Variants in MAPK8 observed in about 807,000 individuals in gnomAD.
MAPK8 encodes JUN N-terminal kinase.
Under a neutral mutation model 52.9 loss-of-function variants are expected in MAPK8, and 13 were observed. The observed-to-expected ratio is 0.25, with a 90% confidence interval of 0.16 to 0.39. MAPK8 has a LOEUF of 0.39. MAPK8 is among the 10% of genes least tolerant of loss of function. MAPK8 has a pLI of 1.00. For synonymous variants in MAPK8, 191 were observed against 169.8 expected (o/e 1.12, Z -0.97); for missense variants, 300 against 519.2 (o/e 0.58, Z 4.10).
At chr10:48,391,989 C>T (rs757889150) in intron 1 of MAPK8, among the ~76,000 whole-genome samples, 5 of 152,174 alleles carry the variant, frequency 3.3e-5, no homozygotes, top group Non-Finnish European at 7.4e-5. Flanking sequence ...GAATCCTCCA[C>T]GTGTTCAGCT....
chr10:48,379,452 T>C (rs1337514083), intron 1 of MAPK8, among the ~76,000 whole-genome samples: 1 of 152,194 alleles, frequency 6.6e-6, no homozygotes, highest in Non-Finnish European at 1.5e-5. Context: ...ATTGCACTTA[T>C]ACAAACAACT....
intron 1 of MAPK8, among the ~76,000 whole-genome samples, chr10:48,334,338 C>T (rs775853765): frequency 2.6e-5 from 4 of 152,100 alleles, no homozygotes; most frequent in South Asian, 2.1e-4. Flanking sequence ...TTGCACACCC[C>T]GAGAATCGCT....
At chr10:48,400,795 T>C (rs1295226959) in intron 1 of MAPK8, among the ~76,000 whole-genome samples, 1 of 152,190 alleles carries the variant, frequency 6.6e-6, no homozygotes, top group Non-Finnish European at 1.5e-5. Flanking sequence ...ATAGTCTCTT[T>C]TGTCTAGTAA....
intron 1 of MAPK8, among the ~76,000 whole-genome samples, chr10:48,334,924 A>G (rs1444289391): frequency 6.6e-6 from 1 of 152,156 alleles, no homozygotes; most frequent in African/African-American, 2.4e-5. Flanking sequence ...CTATGGGGTT[A>G]CAATCTTCCC....
At chr10:48,379,386 A>G (rs141450644) in intron 1 of MAPK8, among the ~76,000 whole-genome samples, 10 of 152,302 alleles carry the variant, frequency 6.6e-5, no homozygotes, top group Non-Finnish European at 1.3e-4. Context: ...GTTCCAGTTA[A>G]ACCTTGGTAC....
chr10:48,394,190 A>C (rs1454779082), intron 1 of MAPK8, among the ~76,000 whole-genome samples: 1 of 151,954 alleles, frequency 6.6e-6, no homozygotes, highest in Non-Finnish European at 1.5e-5. Flanking sequence ...CTTCACTGAG[A>C]TAGTCTATGA....
At chr10:48,389,216 A>G (rs746213250) in intron 1 of MAPK8, among the ~76,000 whole-genome samples, 1 of 152,174 alleles carries the variant, frequency 6.6e-6, no homozygotes, top group Non-Finnish European at 1.5e-5. Flanking sequence ...TCTAAAGGCC[A>G]GTTGAGGGCT....
At chr10:48,376,632 C>CT (rs1337647419) in intron 1 of MAPK8, among the ~76,000 whole-genome samples, 1 of 152,178 alleles carries the variant, frequency 6.6e-6, no homozygotes, top group Non-Finnish European at 1.5e-5. Context: ...TGAAAAAATG[C>CT]TCATCATCAC....
At chr10:48,311,931 G>A (rs753428449) in intron 1 of MAPK8, among the ~76,000 whole-genome samples, 2 of 152,170 alleles carry the variant, frequency 1.3e-5, no homozygotes, top group Non-Finnish European at 2.9e-5. Flanking sequence ...CGGTGATGTA[G>A]GAACCAAAGG....
At chr10:48,336,945 G>T (rs1315023826) in intron 1 of MAPK8, among the ~76,000 whole-genome samples, 1 of 152,088 alleles carries the variant, frequency 6.6e-6, no homozygotes, top group Non-Finnish European at 1.5e-5. Context: ...AGGTATATAT[G>T]CCATACCCAG....
intron 1 of MAPK8, among the ~76,000 whole-genome samples, chr10:48,324,952 G>C (rs1027736861): frequency 7.3e-5 from 2 of 27,528 alleles, no homozygotes; most frequent in African/African-American, 6.9e-4. Context: ...GCTTGCAAAT[G>C]GTGTTTTTTT....
At chr10:48,370,080 A>G (rs971855653) in intron 1 of MAPK8, among the ~76,000 whole-genome samples, 6 of 152,192 alleles carry the variant, frequency 3.9e-5, no homozygotes. Flanking sequence ...TAGGAGAAAG[A>G]GTGATAATCA....
intron 1 of MAPK8, chr10:48,307,070 G>T (rs1363500129): frequency 1.3e-5 from 2 of 152,166 alleles, no homozygotes; most frequent in Non-Finnish European, 2.9e-5. Flanking sequence ...GCCGCCGCGA[G>T]CCCCGCCCGC....
In MAPK8 at chr10:48,410,083, A is replaced by C. The variant is rs1418848027; in HGVS notation, c.365A>C (p.Glu122Ala). ...AATCTTTGCCAAGTGATTCAGATGGAGCTAGATCATGAAAGAATGTCCTAC... is the reference window on the plus strand; with the variant it reads ...AATCTTTGCCAAGTGATTCAGATGGCGCTAGATCATGAAAGAATGTCCTAC... Reference protein sequence around the residue: ...DANLCQVIQMELDHERMSYLL... With the variant: ...DANLCQVIQMALDHERMSYLL... Residue 122 changes from glutamate (E) to alanine (A), a missense_variant, in exon 5 of 12, where the codon GAG becomes GCG. Glu to Ala is a moderately radical substitution (Grantham distance 107, BLOSUM62 -1). Around this residue, in one of 3 missense-constraint regions of MAPK8, gnomAD observed 147 missense variants for 328.1 expected, o/e 0.45. Transcript: ENST00000374189. The C allele has an allele frequency of 6.2e-7, 1 of 1,601,248 alleles. No homozygotes were observed. The highest frequency in any genetic ancestry group is 1.3e-5 in the African/African-American group (1 of 74,408).
At chr10:48,424,920 C>G (rs528790842) in intron 7 of MAPK8, among the ~76,000 whole-genome samples, 6 of 152,098 alleles carry the variant, frequency 3.9e-5, no homozygotes, top group Non-Finnish European at 4.4e-5. Flanking sequence ...TTGGAGCTGT[C>G]TGTTGCTTCT....
At chr10:48,396,406 A>G (rs1054387194) in intron 1 of MAPK8, among the ~76,000 whole-genome samples, 1 of 152,186 alleles carries the variant, frequency 6.6e-6, no homozygotes, top group African/African-American at 2.4e-5. Flanking sequence ...GATATGACAC[A>G]CGTACTAGAA....
intron 5 of MAPK8, 40 bp downstream of exon 5, chr10:48,410,208 A>G (rs1327756428): frequency 6.9e-7 from 1 of 1,443,772 alleles, no homozygotes; most frequent in Non-Finnish European, 9.1e-7. Context: ...TTGTTTTCTC[A>G]TTGAGGTGAA....
chr10:48,343,123 G>C (rs1293315819), intron 1 of MAPK8, among the ~76,000 whole-genome samples: 1 of 152,180 alleles, frequency 6.6e-6, no homozygotes, highest in Non-Finnish European at 1.5e-5. Context: ...CAGTTCTACT[G>C]GCTTGAAACA....
intron 1 of MAPK8, among the ~76,000 whole-genome samples, chr10:48,388,932 T>C (rs1407377873): frequency 1.3e-5 from 2 of 151,932 alleles, no homozygotes; most frequent in African/African-American, 2.4e-5. Context: ...AGAAGAAAAG[T>C]GTATGTCCGG....
Sources: allele counts gnomAD v4.1 joint callset (sites outside exome capture counted in the v4.1 genomes callset), GRCh38; gene constraint gnomAD v4.1.1; regional missense constraint gnomAD v4.1.1; transcripts MANE v1.5; gene names NCBI Gene and HGNC (gene_info 2026-07-23, HGNC 2026-07-21).